CSMD1: variants seen among roughly 807,000 people sequenced by gnomAD.
CSMD1 encodes CUB and Sushi multiple domains 1, also known as CUB and sushi domain-containing protein 1.
CSMD1 carries 213 observed loss-of-function variants against 417.5 expected under a neutral mutation model. That is an observed-to-expected ratio of 0.51 (90% confidence interval 0.46 to 0.57). The LOEUF is 0.57. Ranked by LOEUF, CSMD1 falls within the 20% of genes least tolerant of loss-of-function variation. The probability of loss-of-function intolerance (pLI) is 0.00; values close to 1 mark genes in which losing one functional copy is unlikely to be tolerated. For missense variants in CSMD1, 6,923 were observed against 4,529.7 expected, an observed-to-expected ratio of 1.53 and a Z score of -15.17; for synonymous variants, 2,862 against 1,736.8, an observed-to-expected ratio of 1.65 and a Z score of -16.11.
chr8:4,495,455 A>G (rs777745690), intron 2 of CSMD1, among the ~76,000 whole-genome samples: 8 of 152,024 alleles, frequency 5.3e-5, no homozygotes, highest in Non-Finnish European at 1.0e-4. Flanking sequence ...TGTGCCTGTA[A>G]TCCCACCTAC....
At chr8:3,559,469 A>T (rs1319708288) in intron 10 of CSMD1, among the ~76,000 whole-genome samples, 1 of 152,156 alleles carries the variant, frequency 6.6e-6, no homozygotes, top group African/African-American at 2.4e-5. Flanking sequence ...TGTGTGGAAC[A>T]TCATCTAAAA....
intron 6 of CSMD1, among the ~76,000 whole-genome samples, chr8:3,721,054 C>T (rs575578689): frequency 2.2e-4 from 34 of 152,182 alleles, no homozygotes; most frequent in African/African-American, 7.0e-4. Flanking sequence ...AACTCCCGAC[C>T]TTGGGTGATC....
chr8:4,692,480 T>C (rs931946019), intron 1 of CSMD1, among the ~76,000 whole-genome samples: 18 of 152,024 alleles, frequency 1.2e-4, no homozygotes, highest in Admixed American at 6.5e-4. Flanking sequence ...ACATGGGAGT[T>C]GAAGGGGTTG....
At chr8:4,987,266 T>C (rs1038323986) in intron 1 of CSMD1, among the ~76,000 whole-genome samples, 2 of 152,172 alleles carry the variant, frequency 1.3e-5, no homozygotes, top group Non-Finnish European at 2.9e-5. Flanking sequence ...AAACAAGTAA[T>C]TCTTAGGCAC....
At chr8:3,150,442 C>T (rs914420334) in intron 40 of CSMD1, among the ~76,000 whole-genome samples, 2 of 152,176 alleles carry the variant, frequency 1.3e-5, no homozygotes, top group African/African-American at 4.8e-5. Flanking sequence ...ATTCCCCGGC[C>T]ACTCTCTGCT....
At chr8:3,907,722 T>C (rs1292006349) in intron 5 of CSMD1, among the ~76,000 whole-genome samples, 1 of 152,118 alleles carries the variant, frequency 6.6e-6, no homozygotes, top group Non-Finnish European at 1.5e-5. Flanking sequence ...CCCTGAGAAG[T>C]GTTATGTGAG....
intron 1 of CSMD1, among the ~76,000 whole-genome samples, chr8:4,912,651 G>C (rs1202098223): frequency 1.3e-5 from 2 of 152,098 alleles, no homozygotes; most frequent in Non-Finnish European, 2.9e-5. Flanking sequence ...GTGACATGTA[G>C]GTCAGGAACC....
At chr8:3,739,992 G>A (rs1796710449) in intron 6 of CSMD1, among the ~76,000 whole-genome samples, 2 of 152,188 alleles carry the variant, frequency 1.3e-5, no homozygotes, top group South Asian at 4.1e-4. Flanking sequence ...CATTAAAATT[G>A]TCTTGGTCTC....
At chr8:4,170,385 A>G (rs1208301426) in intron 3 of CSMD1, among the ~76,000 whole-genome samples, 2 of 151,956 alleles carry the variant, frequency 1.3e-5, no homozygotes, top group Non-Finnish European at 2.9e-5. Context: ...ATTGAATTCA[A>G]GAGCCACCTG....
At chr8:4,787,303 C>T (rs1797455205) in intron 1 of CSMD1, 6 of 697,258 alleles carry the variant, frequency 8.6e-6, no homozygotes, top group Admixed American at 2.2e-5. Flanking sequence ...CTTACCGGCG[C>T]GGTCGCAGCC....
Position 2,949,522 on chromosome 8 carries a change from C to T in CSMD1, c.10315-136G>A, listed in dbSNP as rs1003822096. On this transcript the variant is annotated intron_variant, in intron 67 of 69. Transcript: ENST00000635120. ...TACTGGTTAAATGTTTTATTTTTGC[C>T]ATGGCTTTTGGTGACACATTTATAG... 70 of 462,222 alleles carry T rather than the reference C, an allele frequency of 1.5e-4. No individual in the cohort carries two copies. The East Asian group carries it at 2.1e-3, about 14-fold the overall frequency. 28.6% of individuals were successfully genotyped at this position (462,222 alleles called of 1,614,324 possible).
At chr8:3,314,919 TC>T (rs1158967833) in intron 23 of CSMD1, among the ~76,000 whole-genome samples, 1 of 152,258 alleles carries the variant, frequency 6.6e-6, no homozygotes, top group Non-Finnish European at 1.5e-5. Context: ...GTGAGTTTTT[TC>T]AGCTTCTATC....
At chr8:4,483,244 G>T (rs1380141465) in intron 2 of CSMD1, among the ~76,000 whole-genome samples, 1 of 152,150 alleles carries the variant, frequency 6.6e-6, no homozygotes, top group Non-Finnish European at 1.5e-5. Flanking sequence ...CACCATGACT[G>T]TGAGGCCTCC....
At chr8:4,254,731 C>A (rs557020193) in intron 3 of CSMD1, among the ~76,000 whole-genome samples, 2 of 152,198 alleles carry the variant, frequency 1.3e-5, no homozygotes, top group South Asian at 2.1e-4. Flanking sequence ...GGTTATGTAT[C>A]TTCAGATCTG....
At position 4,701,655 on chromosome 8, in the gene CSMD1, C is replaced by G. The variant is rs76169590; in HGVS notation, c.86-64097G>C. 3.9e-3 allele frequency among the ~76,000 whole-genome samples: 587 copies of G among 152,114 alleles called. 1 individual carries two copies. The highest frequency in any genetic ancestry group is 0.014 in the African/African-American group (566 of 41,508). ...TACAGGAGTTTGAAGTATGCTAGGT[C>G]CACACATCTCCTCTGTCAAACCTTT... On this transcript the variant is annotated intron_variant, in intron 1 of 69. Transcript: ENST00000635120.
At chr8:3,967,491 T>G (rs893322643) in intron 5 of CSMD1, among the ~76,000 whole-genome samples, 2 of 151,478 alleles carry the variant, frequency 1.3e-5, no homozygotes, top group Admixed American at 1.3e-4. Context: ...GTTGTTGAAA[T>G]ACATGTGTTG....
intron 5 of CSMD1, among the ~76,000 whole-genome samples, chr8:3,868,290 C>A (rs1051617604): frequency 6.6e-6 from 1 of 152,000 alleles, no homozygotes; most frequent in African/African-American, 2.4e-5. Context: ...TTTCAGTCGC[C>A]CTGCTTGCAG....
rs1013851840 is a variant in CSMD1 at position 4,246,265 on chromosome 8, C to T, written c.415+173688G>A. Among the ~76,000 whole-genome samples, 23 of 152,098 alleles carry T rather than the reference C, an allele frequency of 1.5e-4. 1 individual carries two copies. Among genetic ancestry groups the T allele is most frequent in the African/African-American group, 5.1e-4 (21 of 41,420 alleles). ...TTTAGATCTTACTTATACATGATAA[C>T]TTGTGCTATTTGGTTTTCTGTTCCT... On this transcript the variant is annotated intron_variant, in intron 3 of 69. Transcript: ENST00000635120.
chr8:3,328,754 GC>G (rs1391372288), intron 23 of CSMD1, among the ~76,000 whole-genome samples: 16 of 152,188 alleles, frequency 1.1e-4, no homozygotes, highest in African/African-American at 3.1e-4. Context: ...GAAAAATCTG[GC>G]TTTTGTCATC....
Sources: gnomAD v4.1 joint callset for allele counts (sites outside exome capture counted in the v4.1 genomes callset) on GRCh38, gnomAD v4.1.1 for gene constraint, MANE v1.5 for transcripts, NCBI Gene and HGNC (gene_info 2026-07-23, HGNC 2026-07-21) for gene names.